The following PFKFB4 variants were observed in gnomAD, a reference collection of about 807,000 sequenced individuals.
The protein encoded by PFKFB4 is 6-phosphofructo-2-kinase/fructose-2,6-biphosphatase 4.
A neutral mutation model predicts 62.8 loss-of-function variants in PFKFB4; 42 were observed. The observed-to-expected ratio is 0.67, with a 90% CI of 0.52 to 0.86. The LOEUF is 0.86. Ranked by LOEUF, PFKFB4 falls within the 40% of genes least tolerant of loss-of-function variation. The pLI is 0.00. For synonymous variants in PFKFB4, 204 were observed against 240.7 expected (o/e 0.85, Z 1.41); for missense variants, 475 against 627.2 (o/e 0.76, Z 2.59).
At chr3:48,542,169 C>A (rs1315383398) in intron 4 of PFKFB4, among the ~76,000 whole-genome samples, 1 of 151,698 alleles carries the variant, frequency 6.6e-6, no homozygotes, top group East Asian at 1.9e-4. Flanking sequence ...CCCATCTCTA[C>A]TAAAAATACA....
At chr3:48,539,159 C>G in intron 6 of PFKFB4, 95 bp downstream of exon 6, 3 of 927,770 alleles carry the variant, frequency 3.2e-6, no homozygotes, top group Non-Finnish European at 3.5e-6. Context: ...TCCCTACCCC[C>G]ACAAGGTTCA....
intron 1 of PFKFB4, among the ~76,000 whole-genome samples, chr3:48,555,135 A>G (rs953180679): frequency 1.3e-5 from 2 of 151,002 alleles, no homozygotes; most frequent in Non-Finnish European, 2.9e-5. Flanking sequence ...TCAGGACCAC[A>G]CAGCCCTAAT....
At chr3:48,533,501 C>T (rs1219901650) in intron 9 of PFKFB4, among the ~76,000 whole-genome samples, 1 of 152,084 alleles carries the variant, frequency 6.6e-6, no homozygotes, top group Non-Finnish European at 1.5e-5. Flanking sequence ...AAGACCAAGC[C>T]ATGATGGAGC....
In PFKFB4 at chr3:48,519,718, T is replaced by G. The variant is rs137871554; in HGVS notation, c.*29A>C. On this transcript the variant is annotated 3_prime_UTR_variant, in exon 14 of 14. Coordinates refer to ENST00000232375, the MANE Select transcript of PFKFB4 (RefSeq NM_004567.4). ...GACCCCCTCTGCAGAGAGCAGTGCCTGCCTAGTGGTCACAGTGGATGAACA... is the reference window on the plus strand; with the variant it reads ...GACCCCCTCTGCAGAGAGCAGTGCCGGCCTAGTGGTCACAGTGGATGAACA... 1.7e-5 allele frequency: 26 copies of G among 1,575,476 alleles called. No individual in the cohort carries two copies. The highest frequency in any genetic ancestry group is 2.3e-5 in the Non-Finnish European group (26 of 1,145,664).
rs930232262 is a variant in PFKFB4, at chr3:48,523,792, G to A, written c.1131C>T (p.Ile377=). The A allele has an allele frequency of 1.2e-6, 2 of 1,614,184 alleles. No individual in the cohort carries two copies. Among genetic ancestry groups the A allele is most frequent in the Non-Finnish European group, 8.5e-7 (1 of 1,180,000 alleles). ...EDLVQRLEPV[I]MELERQENVL... Reference sequence around the variant, plus strand: ...CATTCTCTTGCCTCTCCAGCTCCATGATGACAGGCTCCAGTCTCTGGACCA... The same window carrying A: ...CATTCTCTTGCCTCTCCAGCTCCATAATGACAGGCTCCAGTCTCTGGACCA... Residue 377 remains isoleucine, a synonymous_variant, in exon 11 of 14, where the codon ATC becomes ATT. Transcript: ENST00000232375.
chr3:48,532,937 A>T (rs896640783), intron 9 of PFKFB4, among the ~76,000 whole-genome samples: 1 of 152,224 alleles, frequency 6.6e-6, no homozygotes, highest in African/African-American at 2.4e-5. Context: ...AAAGACAAAT[A>T]CTATATGATT....
At chr3:48,560,477 C>T (rs2043415006), upstream of PFKFB4, among the ~76,000 whole-genome samples, 1 of 152,208 alleles carries the variant, frequency 6.6e-6, no homozygotes, top group African/African-American at 2.4e-5. Context: ...CCTGGGAACC[C>T]TGATCTGCAC....
Position 48,543,595 on chromosome 3 carries a change from C to T in PFKFB4, c.363G>A (p.Glu121=), listed in dbSNP as rs1464694976. ...TCACACTCACCGCCACATGTCCCCC[C>T]TCCTCACTAAGGAACCGCCGGACGT... The part of the protein sequence containing the change: ...LRDVRRFLSE[E]GGHVAVFDAT... Residue 121 remains glutamate (E), a synonymous_variant, in exon 4 of 14, where the codon GAG becomes GAA. Coordinates refer to ENST00000232375, the MANE Select transcript of PFKFB4 (RefSeq NM_004567.4). The T allele has an allele frequency of 3.1e-6, 5 of 1,610,706 alleles. No homozygotes were observed. Among genetic ancestry groups the T allele is most frequent in the African/African-American group, 1.3e-5 (1 of 74,920 alleles).
At chr3:48,561,359 C>T (rs1399860631), upstream of PFKFB4, among the ~76,000 whole-genome samples, 1 of 152,278 alleles carries the variant, frequency 6.6e-6, no homozygotes, top group Non-Finnish European at 1.5e-5. The surrounding 1 kb of genome is among the most constrained non-coding windows in gnomAD (Gnocchi z 5.2). Context: ...CTGCCCATGC[C>T]ACCCAGCGTC....
In PFKFB4 at chr3:48,521,965, C is replaced by T. The variant is rs1575350453; in HGVS notation, c.1350+21G>A. On this transcript the variant is annotated intron_variant, in intron 13 of 13. Coordinates refer to ENST00000232375, the MANE Select transcript of PFKFB4 (RefSeq NM_004567.4). This position sits in a 1 kb window ranked among gnomAD's most constrained non-coding sequence, Gnocchi z 5.3. Reference sequence around the variant, plus strand: ...CCACATCAGGAACACCCCGCTACCCCAGCAGTGACCCCATTGCTACCTGAG... The same window carrying T: ...CCACATCAGGAACACCCCGCTACCCTAGCAGTGACCCCATTGCTACCTGAG... 6.2e-7 allele frequency: 1 copy of T among 1,606,332 alleles called. No individual in the cohort carries two copies. The highest frequency in any genetic ancestry group is 1.1e-5 in the South Asian group (1 of 90,946).
rs3831738 is a variant in PFKFB4 at position 48,555,749 on chromosome 3, G to GA, written c.97+931dup. 4.2e-3 allele frequency among the ~76,000 whole-genome samples: 624 copies of GA among 147,742 alleles called. 4 individuals carry two copies. The highest frequency in any genetic ancestry group is 0.012 in the African/African-American group (470 of 40,316). ...TGTCTCTACAAAAAAAAAGAAAAAA[G>GA]AAAAAAAAAAGCTGGGTGTGGTGGC... is the stretch of plus-strand genomic sequence containing the variant. On this transcript the variant is annotated intron_variant, in intron 1 of 13. Transcript: ENST00000232375.
chr3:48,562,974 C>A (rs1490816690), upstream of PFKFB4: 3 of 1,606,692 alleles, frequency 1.9e-6, no homozygotes, highest in Non-Finnish European at 2.5e-6. The surrounding 1 kb of genome is among the most constrained non-coding windows in gnomAD (Gnocchi z 4.3). Context: ...CATGTGGGAG[C>A]AGCTGAGGGG....
Position 48,519,411 on chromosome 3 carries a change from G to C in PFKFB4, c.*336C>G, listed in dbSNP as rs2042019345. 1 of 277,750 alleles carries C rather than the reference G, an allele frequency of 3.6e-6. No homozygotes were observed. Among genetic ancestry groups the C allele is most frequent in the Admixed American group, 4.9e-5 (1 of 20,584 alleles). 17.2% of individuals were successfully genotyped at this position (277,750 alleles called of 1,614,324 possible). The stretch of plus-strand genomic sequence containing the variant: ...CAAGCACTTTCCTTTCACATTGTAG[G>C]GTTTCACACTTCACAAAGCCAACTG... On this transcript the variant is annotated 3_prime_UTR_variant, in exon 14 of 14. Transcript: ENST00000232375.
chr3:48,531,003 G>A (rs958756745), intron 9 of PFKFB4, among the ~76,000 whole-genome samples: 1 of 151,844 alleles, frequency 6.6e-6, no homozygotes, highest in Non-Finnish European at 1.5e-5. Flanking sequence ...CACTGCGCCT[G>A]GCCTATGCTC....
chr3:48,548,166 C>T (rs2043021698), intron 3 of PFKFB4: 2 of 152,196 alleles, frequency 1.3e-5, no homozygotes, highest in Non-Finnish European at 2.9e-5. Context: ...AGTGGAACAG[C>T]TGGCAGACTC....
intron 3 of PFKFB4, among the ~76,000 whole-genome samples, chr3:48,543,998 C>A (rs947146852): frequency 2.7e-5 from 4 of 150,500 alleles, no homozygotes; most frequent in Admixed American, 6.6e-5. Flanking sequence ...TAAGCCCCCC[C>A]CCGCCCGCCT....
chr3:48,557,021 A>C, upstream of PFKFB4: 7 of 1,303,098 alleles, frequency 5.4e-6, no homozygotes, highest in Admixed American at 3.7e-5. Flanking sequence ...CCAGTTCTTC[A>C]GGCCAGGATC....
chr3:48,546,892 A>G (rs1383801935), intron 3 of PFKFB4, among the ~76,000 whole-genome samples: 2 of 152,238 alleles, frequency 1.3e-5, no homozygotes, highest in African/African-American at 2.4e-5. Context: ...ACATGTTGTC[A>G]ATGTTCAATG....
At chr3:48,533,102 A>G (rs1246898873) in intron 9 of PFKFB4, among the ~76,000 whole-genome samples, 1 of 152,072 alleles carries the variant, frequency 6.6e-6, no homozygotes, top group Non-Finnish European at 1.5e-5. Flanking sequence ...GCAAGGGCCA[A>G]TCGTGAATGA....
Sources: allele counts gnomAD v4.1 joint callset (sites outside exome capture counted in the v4.1 genomes callset), GRCh38; gene constraint gnomAD v4.1.1; non-coding constraint Gnocchi (gnomAD v3.1); transcripts MANE v1.5; gene names NCBI Gene and HGNC (gene_info 2026-07-23, HGNC 2026-07-21).